The following TMC3 variants were observed in gnomAD, a reference collection of about 807,000 sequenced individuals.
The protein encoded by TMC3 is transmembrane channel-like protein 3.
In TMC3, 98 loss-of-function variants were observed where a neutral mutation model predicts 110.6. The observed-to-expected ratio is 0.89, with a 90% CI of 0.75 to 1.05. The LOEUF (loss-of-function observed/expected upper bound fraction) is 1.05. TMC3 is among the 50% of genes least tolerant of loss of function. The pLI, the probability that TMC3 is intolerant of heterozygous loss-of-function variation, is 0.00. For missense variants in TMC3, 1,319 were observed against 1,373.2 expected (o/e 0.96, Z 0.62); for synonymous variants, 489 against 513.1 (o/e 0.95, Z 0.63).
chr15:81,353,334 GAAAT>G (rs1400074102), intron 9 of TMC3, among the ~76,000 whole-genome samples: 1 of 152,134 alleles, frequency 6.6e-6, no homozygotes, highest in East Asian at 1.9e-4. Context: ...GAAACTTTAA[GAAAT>G]AAATATAGTG....
chr15:81,363,287 G>A (rs1894232562), intron 3 of TMC3, among the ~76,000 whole-genome samples: 1 of 151,978 alleles, frequency 6.6e-6, no homozygotes, highest in South Asian at 2.1e-4. Flanking sequence ...TTTTTAAGAT[G>A]CAATTGCCAA....
chr15:81,360,095 TTA>T (rs1894154220), intron 4 of TMC3, among the ~76,000 whole-genome samples: 1 of 152,102 alleles, frequency 6.6e-6, no homozygotes, highest in African/African-American at 2.4e-5. Flanking sequence ...GTAGGTAGTT[TTA>T]TGTCATTAAA....
intron 18 of TMC3, 54 bp downstream of exon 18, chr15:81,338,601 C>A (rs1893646161): frequency 6.3e-7 from 1 of 1,583,830 alleles, no homozygotes; most frequent in African/African-American, 1.4e-5. Context: ...GCAGCGTTTT[C>A]TTGTTGGCCA....
chr15:81,334,640 G>A, intron 21 of TMC3, 80 bp downstream of exon 21: 1 of 1,493,062 alleles, frequency 6.7e-7, no homozygotes, highest in Non-Finnish European at 9.0e-7. Flanking sequence ...AGAATTTAAT[G>A]GCCTTGGCCT....
intron 4 of TMC3, among the ~76,000 whole-genome samples, chr15:81,360,557 G>T (rs1399627676): frequency 3.9e-5 from 6 of 152,162 alleles, no homozygotes; most frequent in Non-Finnish European, 7.3e-5. Context: ...AAGGGATTTG[G>T]CTACAGGTGA....
chr15:81,357,298 G>A (rs1274807396), intron 7 of TMC3, among the ~76,000 whole-genome samples: 1 of 151,862 alleles, frequency 6.6e-6, no homozygotes, highest in African/African-American at 2.4e-5. Flanking sequence ...TTGTTTATTT[G>A]TTTATTGTCT....
chr15:81,338,229 A>T (rs530947434), intron 18 of TMC3, among the ~76,000 whole-genome samples: 2 of 152,208 alleles, frequency 1.3e-5, no homozygotes, highest in African/African-American at 4.8e-5. Context: ...CTATCAAGCT[A>T]TGAGTACAGG....
chr15:81,332,872 G>C lies in TMC3; in HGVS notation c.2850C>G (p.Ser950Arg), dbSNP rs1393552604. ...QLSEEEEETP[S>R]RDWIKRSLPP... Reference sequence around the variant, plus strand: ...GAAGAGACCGTTTGATCCAATCTCTGCTTGGCGTCTCCTCCTCTTCTTCAC... The same window carrying C: ...GAAGAGACCGTTTGATCCAATCTCTCCTTGGCGTCTCCTCCTCTTCTTCAC... Residue 950 changes from serine (S) to arginine (R), a missense_variant, in exon 22 of 22, where the codon AGC (serine) becomes AGG (arginine). Transcript: ENST00000359440. 1 of 1,613,388 alleles carries C rather than the reference G, an allele frequency of 6.2e-7. No individual in the cohort carries two copies. Among genetic ancestry groups the C allele is most frequent in the Non-Finnish European group, 8.5e-7 (1 of 1,179,884 alleles).
At position 81,358,455 on chromosome 15, in the gene TMC3, G is replaced by A. The variant is rs114472322; in HGVS notation, c.547C>T (p.Pro183Ser). 2.9e-4 allele frequency: 465 copies of A among 1,613,708 alleles called. 3 individuals carry two copies. In the African/African-American group the frequency reaches 5.5e-3, roughly 19 times the overall value. The change falls in exon 6 of 22, where the codon CCC becomes TCC. Residue 183 changes from proline to serine, a missense_variant. By Grantham distance (74) the Pro-to-Ser change is moderately conservative. Coordinates refer to ENST00000359440, the MANE Select transcript of TMC3 (RefSeq NM_001080532.3). ...TGGGCAGACGAAACCTGCTCCTTGGGGATGGTCTTCCTGGCTGTGCTTCCA... is the reference window on the plus strand; with the variant it reads ...TGGGCAGACGAAACCTGCTCCTTGGAGATGGTCTTCCTGGCTGTGCTTCCA... ...PFGSTARKTI[P>S]KEQVSSAQDL...
chr15:81,367,066 A>G (rs970202700), intron 3 of TMC3, among the ~76,000 whole-genome samples: 20 of 152,182 alleles, frequency 1.3e-4, no homozygotes, highest in African/African-American at 4.8e-4. Context: ...AGTCTTTTCT[A>G]TAGGGATTGC....
chr15:81,344,684 G>A, intron 13 of TMC3, 82 bp downstream of exon 13: 1 of 1,363,560 alleles, frequency 7.3e-7, no homozygotes, highest in South Asian at 1.3e-5. Context: ...CTATAACATA[G>A]GGGCAGTGAC....
chr15:81,373,444 A>C (rs1040806484), intron 1 of TMC3, among the ~76,000 whole-genome samples: 1 of 152,230 alleles, frequency 6.6e-6, no homozygotes, highest in Non-Finnish European at 1.5e-5. Context: ...GTATTCATCT[A>C]TGACTATTAG....
intron 3 of TMC3, among the ~76,000 whole-genome samples, chr15:81,363,808 G>T (rs1035273130): frequency 9.9e-5 from 15 of 152,136 alleles, no homozygotes; most frequent in African/African-American, 3.6e-4. Flanking sequence ...AGAGGGAGAG[G>T]CAGGCTTTCT....
Position 81,349,577 on chromosome 15 carries a change from G to C in TMC3, c.1084-10C>G, listed in dbSNP as rs770950397. 10 of 1,460,594 alleles carry C rather than the reference G, an allele frequency of 6.8e-6. No homozygotes were observed. The South Asian group carries it at 1.4e-4, about 20-fold the overall frequency. 90.5% of individuals were successfully genotyped at this position (1,460,594 alleles called of 1,614,324 possible). A position where few individuals can be genotyped will look rare whatever the true frequency, so the allele number is the denominator to read the frequency against. On this transcript the variant is annotated splice_polypyrimidine_tract_variant and intron_variant, in intron 10 of 21. Transcript: ENST00000359440. The stretch of plus-strand genomic sequence containing the variant: ...AGACCACCACACTGACCTGCTGAGA[G>C]AGCACATGCCAGAGCCAGACATTCC...
chr15:81,349,546 C>T lies in TMC3; in HGVS notation c.1105G>A (p.Val369Ile), dbSNP rs201086080. The part of the protein sequence containing the change: ...KNEVSVVVSL[V>I]TMIAPSAFDL... ...AAGGCTGATGGTGCTATCATGGTGA[C>T]GAGGGAGACCACCACACTGACCTGC... Residue 369 changes from valine to isoleucine, a missense_variant, in exon 11 of 22, where the codon GTC becomes ATC. Transcript: ENST00000359440. 22 of 1,545,934 alleles carry T rather than the reference C, an allele frequency of 1.4e-5. No individual in the cohort carries two copies. The highest frequency in any genetic ancestry group is 6.2e-5 in the South Asian group (5 of 80,964).
intron 18 of TMC3, 103 bp from the exon 19 acceptor site, chr15:81,338,027 G>A: frequency 1.1e-6 from 1 of 887,794 alleles, no homozygotes; most frequent in East Asian, 2.5e-5. Flanking sequence ...AGGCTCCCAG[G>A]CCAGATGCGG....
intron 3 of TMC3, 77 bp downstream of exon 3, chr15:81,368,176 A>C (rs1032089202): frequency 3.9e-6 from 4 of 1,021,010 alleles, no homozygotes; most frequent in Non-Finnish European, 6.1e-6. Flanking sequence ...CTCGTGATCC[A>C]CCTCCCTTGG....
chr15:81,366,075 A>T (rs2141424091), intron 3 of TMC3, among the ~76,000 whole-genome samples: 1 of 152,328 alleles, frequency 6.6e-6, no homozygotes, highest in East Asian at 1.9e-4. Flanking sequence ...ATTTATTCAT[A>T]GTATGTATTA....
chr15:81,361,918 G>T, intron 4 of TMC3: 1 of 195,026 alleles, frequency 5.1e-6, no homozygotes. Flanking sequence ...CATCCTCATA[G>T]GTTTTCACTT....
Sources: allele counts gnomAD v4.1 joint callset (sites outside exome capture counted in the v4.1 genomes callset), GRCh38; gene constraint gnomAD v4.1.1; transcripts MANE v1.5; gene names NCBI Gene and HGNC (gene_info 2026-07-23, HGNC 2026-07-21).